RIN2: variants seen among roughly 807,000 people sequenced by gnomAD.
RIN2 encodes Ras and Rab interactor 2, also known as RAB5 interacting protein 2.
In RIN2, 36 loss-of-function variants were observed where a neutral mutation model predicts 78.0. That is an observed-to-expected ratio of 0.46 (90% confidence interval 0.35 to 0.61). The LOEUF (loss-of-function observed/expected upper bound fraction) is 0.61, where lower values mean the gene tolerates loss of function less well. Among genes scored for constraint, RIN2 ranks in the 20% least tolerant of loss-of-function variants. The probability of loss-of-function intolerance (pLI) is 0.00; values close to 1 mark genes in which losing one functional copy is unlikely to be tolerated. For synonymous variants in RIN2, 466 were observed against 466.8 expected, an observed-to-expected ratio of 1.00 and a Z score of 0.02; for missense variants, 1,087 against 1,159.7, an observed-to-expected ratio of 0.94 and a Z score of 0.91.
At chr20:19,944,124 G>A (rs1257335433) in intron 4 of RIN2, among the ~76,000 whole-genome samples, 1 of 151,838 alleles carries the variant, frequency 6.6e-6, no homozygotes, top group Non-Finnish European at 1.5e-5. Flanking sequence ...GTTTTTCTGG[G>A]AATTTTTTGT....
At chr20:19,853,196 T>C (rs2037048792) in intron 2 of RIN2, among the ~76,000 whole-genome samples, 1 of 152,090 alleles carries the variant, frequency 6.6e-6, no homozygotes, top group Admixed American at 6.5e-5. Context: ...TCCATGTCCC[T>C]ACAAAGGACA....
At chr20:19,843,972 AC>A (rs1357343453) in intron 2 of RIN2, among the ~76,000 whole-genome samples, 3 of 152,228 alleles carry the variant, frequency 2.0e-5, no homozygotes, top group Non-Finnish European at 4.4e-5. Context: ...ACTTTTAAAA[AC>A]AACATGATTT....
intron 3 of RIN2, 32 bp from the exon 4 acceptor site, chr20:19,935,067 C>A: frequency 6.5e-7 from 1 of 1,541,976 alleles, no homozygotes; most frequent in Admixed American, 1.9e-5. Context: ...CTCTCCACTT[C>A]CTGACGTCAT....
intron 2 of RIN2, among the ~76,000 whole-genome samples, chr20:19,817,425 G>A (rs2122864704): frequency 1.3e-5 from 2 of 152,066 alleles, no homozygotes; most frequent in Middle Eastern, 3.4e-3. Context: ...ATTCATGAGA[G>A]CTTCACTCAA....
At chr20:19,948,460 T>G (rs2041184997) in intron 4 of RIN2, among the ~76,000 whole-genome samples, 5 of 152,240 alleles carry the variant, frequency 3.3e-5, no homozygotes. Flanking sequence ...AGTGGCGTGA[T>G]CTCGGCTTAC....
At chr20:19,996,567 T>C in intron 11 of RIN2, 112 bp from the exon 12 acceptor site, 1 of 1,059,570 alleles carries the variant, frequency 9.4e-7, no homozygotes, top group Non-Finnish European at 1.4e-6. Flanking sequence ...AGGAAATGCA[T>C]GTTGAAGAAA....
intron 2 of RIN2, among the ~76,000 whole-genome samples, chr20:19,861,339 G>A (rs2037326299): frequency 6.6e-6 from 1 of 152,172 alleles, no homozygotes; most frequent in Admixed American, 6.5e-5. Context: ...GCTATGATAT[G>A]TTCCACCACA....
chr20:19,916,449 T>C (rs1308976021), intron 3 of RIN2, among the ~76,000 whole-genome samples: 3 of 151,992 alleles, frequency 2.0e-5, no homozygotes, highest in Admixed American at 1.3e-4. Context: ...CGAGATTCCA[T>C]CTGTACAAGA....
intron 3 of RIN2, among the ~76,000 whole-genome samples, chr20:19,905,662 C>T (rs1220844901): frequency 6.6e-6 from 1 of 152,156 alleles, no homozygotes; most frequent in East Asian, 1.9e-4. Context: ...GCAAGAGGAT[C>T]ACTTGAGCCC....
At chr20:19,766,197 C>T (rs1370141206) in intron 1 of RIN2, among the ~76,000 whole-genome samples, 2 of 152,104 alleles carry the variant, frequency 1.3e-5, no homozygotes, top group African/African-American at 2.4e-5. Flanking sequence ...GTGTGTGTTT[C>T]GTATGACAAA....
chr20:19,773,363 A>G (rs2034203207), intron 1 of RIN2, among the ~76,000 whole-genome samples: 1 of 152,202 alleles, frequency 6.6e-6, no homozygotes, highest in African/African-American at 2.4e-5. Flanking sequence ...ACCCATAACT[A>G]GGTGTAAAAT....
At chr20:19,908,502 A>G (rs61263327) in intron 3 of RIN2, among the ~76,000 whole-genome samples, 5,366 of 151,226 alleles carry the variant, frequency 0.035, 343 homozygotes, top group African/African-American at 0.12. Context: ...AAAAAAAAAA[A>G]AAAGAAAGAA....
intron 2 of RIN2, among the ~76,000 whole-genome samples, chr20:19,825,672 C>T (rs2036068595): frequency 6.6e-6 from 1 of 152,208 alleles, no homozygotes; most frequent in African/African-American, 2.4e-5. Context: ...CGGATACTGC[C>T]TTGGATAAGC....
intron 3 of RIN2, among the ~76,000 whole-genome samples, chr20:19,920,110 C>T (rs1325229763): frequency 1.3e-5 from 2 of 151,682 alleles, no homozygotes; most frequent in Admixed American, 6.6e-5. Context: ...CTGGCTAACA[C>T]GGTGAAACCC....
chr20:19,844,624 C>A lies in RIN2; in HGVS notation c.-37+44877C>A, dbSNP rs551525457. On this transcript the variant is annotated intron_variant, in intron 2 of 12. Coordinates refer to ENST00000255006, the MANE Select transcript of RIN2 (RefSeq NM_018993.4). ...TCCTCTTCTTCTTCTTCTTCTTCTT[C>A]TTCTTCTTCTTCTTCTTCTTCTTCT... is the stretch of plus-strand genomic sequence containing the variant. 1.9e-3 allele frequency among the ~76,000 whole-genome samples: 226 copies of A among 118,190 alleles called. 4 individuals carry two copies. The Middle Eastern group carries it at 0.027, about 14-fold the overall frequency. The allele number at this position is 118,190 out of a possible 152,430, so 77.5% of individuals were successfully genotyped here. A position where few individuals can be genotyped will look rare whatever the true frequency, so the allele number is the denominator to read the frequency against.
chr20:19,770,878 C>CT (rs1399955232), intron 1 of RIN2, among the ~76,000 whole-genome samples: 1 of 113,834 alleles, frequency 8.8e-6, no homozygotes, highest in Non-Finnish European at 1.9e-5. Context: ...CCCCCACCCC[C>CT]CCCCCCCACC....
intron 1 of RIN2, among the ~76,000 whole-genome samples, chr20:19,770,300 A>T (rs2122401110): frequency 6.6e-6 from 1 of 152,336 alleles, no homozygotes; most frequent in South Asian, 2.1e-4. Flanking sequence ...GCAATTAAGG[A>T]TTATTTAATT....
chr20:19,866,313 C>T (rs1208994304), intron 2 of RIN2, among the ~76,000 whole-genome samples: 1 of 152,156 alleles, frequency 6.6e-6, no homozygotes, highest in Non-Finnish European at 1.5e-5. Context: ...TGAAGCTTCA[C>T]TGCCTCACTC....
chr20:19,924,349 CCT>C (rs373575206), intron 3 of RIN2, among the ~76,000 whole-genome samples: 1,700 of 24,518 alleles, frequency 0.069, 327 homozygotes, highest in East Asian at 0.31. Flanking sequence ...TCATACCCCA[CCT>C]CTTCATACCC....
Sources: gnomAD v4.1 joint callset for allele counts (sites outside exome capture counted in the v4.1 genomes callset) on GRCh38, gnomAD v4.1.1 for gene constraint, MANE v1.5 for transcripts, NCBI Gene and HGNC (gene_info 2026-07-23, HGNC 2026-07-21) for gene names.